SNAP25: variants seen among roughly 807,000 people sequenced by gnomAD.
SNAP25 encodes the protein synaptosome associated protein 25, also known as synaptosomal-associated protein 25.
In SNAP25, 3 loss-of-function variants were observed where a neutral mutation model predicts 28.7. The ratio of observed to expected loss-of-function variants is 0.10; its 90% CI spans 0.05 to 0.27. The LOEUF (loss-of-function observed/expected upper bound fraction) is 0.27. SNAP25 is among the 10% of genes least tolerant of loss of function. The pLI is 1.00. For missense variants in SNAP25, 117 were observed against 278.7 expected (o/e 0.42, Z 4.13); for synonymous variants, 61 against 88.1 (o/e 0.69, Z 1.72).
At chr20:10,231,331 G>C (rs1033146528) in intron 1 of SNAP25, among the ~76,000 whole-genome samples, 1 of 152,166 alleles carries the variant, frequency 6.6e-6, no homozygotes, top group Non-Finnish European at 1.5e-5. Context: ...TGGGTTCAGA[G>C]CACTTGCTGA....
intron 1 of SNAP25, among the ~76,000 whole-genome samples, chr20:10,251,711 C>G (rs1180742208): frequency 6.6e-6 from 1 of 152,150 alleles, no homozygotes; most frequent in East Asian, 1.9e-4. Context: ...TTTTGTCTTT[C>G]CTTTTTGTTA....
At chr20:10,254,654 C>A (rs530549970) in intron 1 of SNAP25, among the ~76,000 whole-genome samples, 14 of 152,302 alleles carry the variant, frequency 9.2e-5, no homozygotes, top group Admixed American at 5.2e-4. Context: ...TCCTGAGCTA[C>A]CTGCTTTGTA....
At chr20:10,263,137 G>A (rs1306506639) in intron 1 of SNAP25, among the ~76,000 whole-genome samples, 1 of 145,420 alleles carries the variant, frequency 6.9e-6, no homozygotes, top group East Asian at 2.2e-4. Context: ...TCCTGCCTCA[G>A]CCACCCGAGT....
intron 7 of SNAP25, among the ~76,000 whole-genome samples, chr20:10,303,041 T>C (rs189368448): frequency 1.1e-3 from 169 of 147,946 alleles, no homozygotes; most frequent in African/African-American, 4.2e-3. Flanking sequence ...CCTAGAATGT[T>C]TGCGCTCAGG....
chr20:10,277,514 A>G (rs2063711363), intron 2 of SNAP25, among the ~76,000 whole-genome samples, 171 bp from the exon 3 acceptor site: 1 of 152,208 alleles, frequency 6.6e-6, no homozygotes, highest in African/African-American at 2.4e-5. Flanking sequence ...AAAAAGCCTG[A>G]TAGGAAAGAG....
chr20:10,270,385 A>C (rs1328804917), intron 1 of SNAP25, among the ~76,000 whole-genome samples: 1 of 151,924 alleles, frequency 6.6e-6, no homozygotes, highest in Admixed American at 6.5e-5. Context: ...CAGCTTCAGC[A>C]TCACCTGAAG....
intron 5 of SNAP25, among the ~76,000 whole-genome samples, chr20:10,294,066 G>T (rs2064053668): frequency 6.6e-6 from 1 of 152,176 alleles, no homozygotes; most frequent in Admixed American, 6.6e-5. Flanking sequence ...AAAACTGAGG[G>T]TTCTGGAAGA....
At chr20:10,252,206 A>G (rs1247753866) in intron 1 of SNAP25, among the ~76,000 whole-genome samples, 3 of 152,240 alleles carry the variant, frequency 2.0e-5, no homozygotes, top group South Asian at 4.1e-4. Context: ...TATAGTGACT[A>G]TATGTCAGAG....
At chr20:10,287,864 A>T (rs2063914310) in intron 4 of SNAP25, among the ~76,000 whole-genome samples, 1 of 152,150 alleles carries the variant, frequency 6.6e-6, no homozygotes, top group South Asian at 2.1e-4. Flanking sequence ...TTGTAGGGAC[A>T]TGGATGAAAT....
At chr20:10,236,929 T>C (rs966657044) in intron 1 of SNAP25, among the ~76,000 whole-genome samples, 2 of 151,446 alleles carry the variant, frequency 1.3e-5, no homozygotes, top group African/African-American at 4.9e-5. Context: ...CTGCACCAGC[T>C]TCAGTTTACT....
chr20:10,295,318 G>A (rs1410276367), intron 5 of SNAP25, among the ~76,000 whole-genome samples: 2 of 152,224 alleles, frequency 1.3e-5, no homozygotes, highest in Non-Finnish European at 2.9e-5. Context: ...AGATGGTATA[G>A]CAGACATTTG....
At chr20:10,252,998 C>T (rs1185256979) in intron 1 of SNAP25, among the ~76,000 whole-genome samples, 1 of 152,068 alleles carries the variant, frequency 6.6e-6, no homozygotes, top group Non-Finnish European at 1.5e-5. Flanking sequence ...CATTTGGGTG[C>T]TTAGCACAGC....
chr20:10,224,484 G>A (rs1168281408), intron 1 of SNAP25, among the ~76,000 whole-genome samples: 1 of 151,502 alleles, frequency 6.6e-6, no homozygotes, highest in African/African-American at 2.4e-5. Flanking sequence ...GTGGACTAAT[G>A]ATGTCCAATA....
At chr20:10,287,379 A>G (rs2063902328) in intron 4 of SNAP25, among the ~76,000 whole-genome samples, 1 of 152,162 alleles carries the variant, frequency 6.6e-6, no homozygotes. Context: ...AAAAGAAGAC[A>G]TTTATGCAGC....
At chr20:10,299,907 T>C (rs897108228) in intron 7 of SNAP25, among the ~76,000 whole-genome samples, 9 of 152,252 alleles carry the variant, frequency 5.9e-5, no homozygotes, top group Admixed American at 3.9e-4. Context: ...TAATAGTTTG[T>C]CAAGTGGAGG....
chr20:10,262,015 A>G (rs2063421992), intron 1 of SNAP25, among the ~76,000 whole-genome samples: 1 of 152,248 alleles, frequency 6.6e-6, no homozygotes, highest in South Asian at 2.1e-4. Flanking sequence ...GATAAATACC[A>G]TACAGCTCAT....
chr20:10,276,536 T>G (rs868817097), intron 2 of SNAP25, among the ~76,000 whole-genome samples: 4 of 152,226 alleles, frequency 2.6e-5, no homozygotes, highest in African/African-American at 9.6e-5. Context: ...AGAAATCCTT[T>G]TTGTCATTCA....
intron 1 of SNAP25, among the ~76,000 whole-genome samples, chr20:10,223,321 G>A (rs1426464735): frequency 6.6e-6 from 1 of 152,124 alleles, no homozygotes; most frequent in Non-Finnish European, 1.5e-5. Flanking sequence ...AAATCCAAAT[G>A]CTGACAGAAT....
intron 1 of SNAP25, among the ~76,000 whole-genome samples, chr20:10,274,984 T>TG: frequency 6.6e-6 from 1 of 152,018 alleles, no homozygotes. Context: ...GTTTCCTGGG[T>TG]GTATACATAT....
Sources: gnomAD v4.1 joint callset for allele counts (sites outside exome capture counted in the v4.1 genomes callset) on GRCh38, gnomAD v4.1.1 for gene constraint, MANE v1.5 for transcripts, NCBI Gene and HGNC (gene_info 2026-07-23, HGNC 2026-07-21) for gene names.